TCF4: variants seen among roughly 807,000 people sequenced by gnomAD.
TCF4 encodes transcription factor 4.
TCF4 carries 3 observed loss-of-function variants against 82.1 expected under a neutral mutation model. The ratio of observed to expected loss-of-function variants is 0.04; its 90% confidence interval spans 0.02 to 0.09. The LOEUF is 0.09. Ranked by LOEUF, TCF4 falls within the 10% of genes least tolerant of loss-of-function variation. The pLI is 1.00. For synonymous variants in TCF4, 276 were observed against 309.6 expected (o/e 0.89, Z 1.14); for missense variants, 518 against 852.7 (o/e 0.61, Z 4.89).
chr18:55,322,115 T>G (rs1409526146), intron 8 of TCF4: 1 of 1,071,544 alleles, frequency 9.3e-7, no homozygotes, highest in Non-Finnish European at 1.1e-6. Flanking sequence ...CTTTTTTTTT[T>G]TTTTTTTGTT....
chr18:55,576,046 A>C lies in TCF4; in HGVS notation c.145+9234T>G, dbSNP rs899054323. Among the ~76,000 whole-genome samples, 33 of 152,278 alleles carry C rather than the reference A, an allele frequency of 2.2e-4. No individual in the cohort carries two copies. In the East Asian group the frequency reaches 6.0e-3, roughly 28 times the overall value. ...TAATGATGAATTTTTGCAATCTTAA[A>C]ATGTTTTAAATACAGCAGTATTCCT... is the stretch of plus-strand genomic sequence containing the variant. On this transcript the variant is annotated intron_variant, in intron 3 of 19. Transcript: ENST00000354452.
rs542753447 is a variant in TCF4, at chr18:55,508,353, C to G, written c.146-44216G>C. Among the ~76,000 whole-genome samples the G allele has an allele frequency of 2.6e-5, 4 of 152,174 alleles. No homozygotes were observed. The South Asian group carries it at 8.3e-4, about 32-fold the overall frequency. On this transcript the variant is annotated intron_variant, in intron 3 of 19. Coordinates refer to ENST00000354452, the MANE Select transcript of TCF4 (RefSeq NM_001083962.2). ...CTCCGTTATAGCAATTCTACCACCA[C>G]CACTTCTGAAAATGGGTTTTGAATG...
chr18:55,437,844 ATC>A (rs1329488753), intron 5 of TCF4, among the ~76,000 whole-genome samples: 1 of 152,228 alleles, frequency 6.6e-6, no homozygotes, highest in African/African-American at 2.4e-5. Context: ...AATGTCACTC[ATC>A]AGATATATGT....
At chr18:55,474,708 G>A (rs1395549600) in intron 3 of TCF4, among the ~76,000 whole-genome samples, 1 of 152,112 alleles carries the variant, frequency 6.6e-6, no homozygotes, top group Non-Finnish European at 1.5e-5. Context: ...CAAGGAAAAT[G>A]TATAATTTTT....
intron 3 of TCF4, among the ~76,000 whole-genome samples, chr18:55,468,036 C>T (rs892298430): frequency 3.9e-5 from 6 of 152,224 alleles, no homozygotes; most frequent in African/African-American, 7.2e-5. Flanking sequence ...AAGAATGTCA[C>T]ATCTCTGTCT....
intron 3 of TCF4, among the ~76,000 whole-genome samples, chr18:55,478,547 G>A (rs905343890): frequency 4.6e-5 from 7 of 152,066 alleles, no homozygotes; most frequent in African/African-American, 1.7e-4. Context: ...GAGGCAAGTG[G>A]TACACAAAAG....
chr18:55,557,403 T>C (rs562477197), intron 3 of TCF4, among the ~76,000 whole-genome samples: 3 of 152,112 alleles, frequency 2.0e-5, no homozygotes, highest in South Asian at 4.2e-4. Flanking sequence ...GGAGATGCCA[T>C]CTCTAAATGA....
At chr18:55,628,928 T>C (rs187137396) in intron 2 of TCF4, among the ~76,000 whole-genome samples, 14 of 152,176 alleles carry the variant, frequency 9.2e-5, no homozygotes, top group Admixed American at 2.6e-4. Context: ...TCTAGAAAAA[T>C]AGACATAAGT....
intron 3 of TCF4, among the ~76,000 whole-genome samples, chr18:55,534,302 G>A (rs905129540): frequency 1.3e-5 from 2 of 152,228 alleles, no homozygotes; most frequent in African/African-American, 4.8e-5. Context: ...CATGGGTAGT[G>A]AAAGGGAAAG....
intron 10 of TCF4, among the ~76,000 whole-genome samples, chr18:55,270,785 C>A (rs1600899703): frequency 6.6e-6 from 1 of 152,158 alleles, no homozygotes; most frequent in African/African-American, 2.4e-5. Flanking sequence ...TGCAATCCAC[C>A]CATCTGCTTG....
At position 55,401,866 on chromosome 18, in the gene TCF4, T is replaced by C. The variant is rs932816791; in HGVS notation, c.369+1588A>G. The C allele has an allele frequency of 5.7e-6, 5 of 881,192 alleles. No homozygotes were observed. The South Asian group carries it at 2.1e-4, about 37-fold the overall frequency. 54.6% of individuals were successfully genotyped at this position (881,192 alleles called of 1,614,324 possible). On this transcript the variant is annotated intron_variant, in intron 6 of 19. Transcript: ENST00000354452. ...CCAGCGAAAACAGAGACCTCTGCCA[T>C]GACCATCTGCAGAAAGGAAGGATGT...
chr18:55,509,746 C>T (rs960090358), intron 3 of TCF4, among the ~76,000 whole-genome samples: 4 of 152,076 alleles, frequency 2.6e-5, no homozygotes, highest in Non-Finnish European at 4.4e-5. Flanking sequence ...CTCAAATCTG[C>T]CTCCCAGAGG....
intron 2 of TCF4, among the ~76,000 whole-genome samples, chr18:55,621,422 TATATAATATATAAAAATATATATATAA>T (rs1205289291): frequency 8.4e-6 from 1 of 119,006 alleles, no homozygotes; most frequent in East Asian, 2.1e-4. Flanking sequence ...ATATATATTA[TATATAATATATAAAAATATATATATAA>T]TATATATAAT....
intron 8 of TCF4, among the ~76,000 whole-genome samples, chr18:55,296,692 A>T (rs1163268756): frequency 6.6e-6 from 1 of 152,240 alleles, no homozygotes; most frequent in African/African-American, 2.4e-5. Flanking sequence ...CTAAGGTGAA[A>T]TAATCTGTGG....
intron 1 of TCF4, among the ~76,000 whole-genome samples, chr18:55,587,613 C>A (rs2097663282): frequency 1.3e-5 from 2 of 151,506 alleles, no homozygotes; most frequent in African/African-American, 4.8e-5. Context: ...CACACACACT[C>A]GCACACACCA....
At chr18:55,588,284 C>T (rs1248291527), upstream of TCF4, 3 of 1,441,998 alleles carry the variant, frequency 2.1e-6, no homozygotes, top group South Asian at 2.9e-5. Context: ...GGAAACACGC[C>T]GAGGCGCACG....
chr18:55,275,049 T>C (rs2061188363), intron 10 of TCF4, among the ~76,000 whole-genome samples: 1 of 151,998 alleles, frequency 6.6e-6, no homozygotes, highest in African/African-American at 2.4e-5. Context: ...GGATGGGAAT[T>C]AAAGTTAAAA....
chr18:55,563,669 C>T (rs1390106489), intron 3 of TCF4, among the ~76,000 whole-genome samples: 2 of 152,226 alleles, frequency 1.3e-5, no homozygotes, highest in African/African-American at 4.8e-5. Flanking sequence ...AATCTCAGCT[C>T]CTCTTCAGTG....
At chr18:55,548,694 G>A (rs1158835451) in intron 3 of TCF4, among the ~76,000 whole-genome samples, 1 of 152,150 alleles carries the variant, frequency 6.6e-6, no homozygotes, top group African/African-American at 2.4e-5. Context: ...ATAGCCTATT[G>A]CTCCAAGGCT....
Sources: allele counts gnomAD v4.1 joint callset (sites outside exome capture counted in the v4.1 genomes callset), GRCh38; gene constraint gnomAD v4.1.1; transcripts MANE v1.5; gene names NCBI Gene and HGNC (gene_info 2026-07-23, HGNC 2026-07-21).